NCAM1: variants seen among roughly 807,000 people sequenced by gnomAD.
NCAM1 encodes the protein antigen recognized by monoclonal antibody 5.1H11.
A neutral mutation model predicts 109.8 loss-of-function variants in NCAM1; 14 were observed. The ratio of observed to expected loss-of-function variants is 0.13; its 90% confidence interval spans 0.08 to 0.20. The LOEUF is 0.20. Ranked by LOEUF, NCAM1 falls within the 10% of genes least tolerant of loss-of-function variation. NCAM1 has a pLI of 1.00. For synonymous variants in NCAM1, 418 were observed against 442.9 expected, an observed-to-expected ratio of 0.94 and a Z score of 0.70; for missense variants, 774 against 1,109.9, an observed-to-expected ratio of 0.70 and a Z score of 4.30.
At chr11:113,061,928 A>G (rs186671170) in intron 1 of NCAM1, among the ~76,000 whole-genome samples, 3 of 152,282 alleles carry the variant, frequency 2.0e-5, no homozygotes, top group Admixed American at 2.0e-4. Context: ...ACAAAAGTAG[A>G]TAGTCCATCT....
At chr11:113,136,953 T>G (rs1332915588) in intron 1 of NCAM1, among the ~76,000 whole-genome samples, 1 of 152,198 alleles carries the variant, frequency 6.6e-6, no homozygotes, top group Admixed American at 6.5e-5. Context: ...AGGCTGACAC[T>G]GACCAAACAG....
intron 1 of NCAM1, among the ~76,000 whole-genome samples, chr11:113,011,592 G>A (rs1306631436): frequency 3.3e-5 from 5 of 152,108 alleles, no homozygotes; most frequent in African/African-American, 4.8e-5. Context: ...GTGTAAAAGC[G>A]TTCCTATTTC....
rs782688406 is a variant in NCAM1, at chr11:113,221,298, T to A, written c.1062T>A (p.Ala354=). 1 of 1,564,048 alleles carries A rather than the reference T, an allele frequency of 6.4e-7. No individual in the cohort carries two copies. Among genetic ancestry groups the A allele is most frequent in the African/African-American group, 1.3e-5 (1 of 74,082 alleles). The change falls in exon 9 of 20, where the codon GCT becomes GCA. Residue 354 remains alanine (A), a splice_region_variant and synonymous_variant. Coordinates refer to ENST00000316851, the MANE Select transcript of NCAM1 (RefSeq NM_181351.5). ...GTTTTATATCTTGTTTTCTCCAGGC[T>A]TCGTGGACTCGACCAGAGAAGCAAG... ...STRNISSEEK[A]SWTRPEKQET...
chr11:113,038,190 T>G (rs1952953513), intron 1 of NCAM1, among the ~76,000 whole-genome samples: 1 of 152,204 alleles, frequency 6.6e-6, no homozygotes. Context: ...AGTTCTAACA[T>G]GTTGTTCGAA....
At chr11:113,093,487 C>G (rs1322635679) in intron 1 of NCAM1, among the ~76,000 whole-genome samples, 1 of 152,190 alleles carries the variant, frequency 6.6e-6, no homozygotes, top group Admixed American at 6.5e-5. Flanking sequence ...CCTCCGGCCC[C>G]ACAACTCTCA....
chr11:113,059,950 C>G (rs1292033723), intron 1 of NCAM1, among the ~76,000 whole-genome samples: 1 of 152,126 alleles, frequency 6.6e-6, no homozygotes, highest in East Asian at 1.9e-4. Context: ...GAATGAGAGC[C>G]AGGACATATC....
At chr11:112,967,450 C>T (rs1475060526) in intron 1 of NCAM1, among the ~76,000 whole-genome samples, 1 of 152,174 alleles carries the variant, frequency 6.6e-6, no homozygotes, top group African/African-American at 2.4e-5. Context: ...AGGTAGATAA[C>T]CCTGGGTTGA....
intron 9 of NCAM1, among the ~76,000 whole-genome samples, chr11:113,225,808 C>T (rs1245695826): frequency 6.6e-6 from 1 of 152,190 alleles, no homozygotes; most frequent in Non-Finnish European, 1.5e-5. Flanking sequence ...ATTTTCAACA[C>T]AGAATTTCAT....
chr11:113,172,056 T>A (rs1210124481), intron 1 of NCAM1, among the ~76,000 whole-genome samples: 1 of 148,342 alleles, frequency 6.7e-6, no homozygotes, highest in African/African-American at 2.4e-5. Context: ...CATAGTACCT[T>A]CTGAGGGAGC....
intron 14 of NCAM1, among the ~76,000 whole-genome samples, chr11:113,241,987 GCAGACGGAGTT>G (rs1327902018): frequency 6.6e-6 from 1 of 152,210 alleles, no homozygotes; most frequent in Non-Finnish European, 1.5e-5. Flanking sequence ...CTGTCCTGTA[GCAGACGGAGTT>G]CAGGCTTTGG....
At position 113,174,523 on chromosome 11, in the gene NCAM1, G is replaced by A. The variant is rs1943089952; in HGVS notation, c.53-27856G>A. On this transcript the variant is annotated intron_variant, in intron 1 of 19. Transcript: ENST00000316851. ...TATGGCTGTGACTCCTGGAATAGGGGTCTTATGTGCACATGAACTAGTCAT... is the reference window on the plus strand; with the variant it reads ...TATGGCTGTGACTCCTGGAATAGGGATCTTATGTGCACATGAACTAGTCAT... 2.0e-5 allele frequency among the ~76,000 whole-genome samples: 3 copies of A among 152,178 alleles called. No individual in the cohort carries two copies. The South Asian group carries it at 6.2e-4, about 32-fold the overall frequency.
intron 1 of NCAM1, among the ~76,000 whole-genome samples, chr11:113,090,988 A>C (rs950904460): frequency 2.0e-5 from 3 of 152,214 alleles, no homozygotes; most frequent in Admixed American, 2.0e-4. Context: ...CAAATGCTAT[A>C]GTATGTTAGA....
chr11:113,233,023 C>A lies in NCAM1; in HGVS notation c.1523-124C>A. 1.9e-6 allele frequency: 2 copies of A among 1,071,390 alleles called. No individual in the cohort carries two copies. The highest frequency in any genetic ancestry group is 2.7e-6 in the Non-Finnish European group (2 of 738,452). 66.4% of individuals were successfully genotyped at this position (1,071,390 alleles called of 1,614,324 possible). A position where few individuals can be genotyped will look rare whatever the true frequency, so the allele number is the denominator to read the frequency against. On this transcript the variant is annotated intron_variant, in intron 12 of 19. Transcript: ENST00000316851. The surrounding 1 kb of genome is among the most constrained non-coding windows in gnomAD (Gnocchi z 4.5). ...CATCTGGTGAGATGGGCCAGGAGGA[C>A]AGGATACAGTGACAGGATTCCCAAG...
At chr11:112,982,693 G>GAGATTATTT (rs1193647779) in intron 1 of NCAM1, among the ~76,000 whole-genome samples, 1 of 151,912 alleles carries the variant, frequency 6.6e-6, no homozygotes, top group Non-Finnish European at 1.5e-5. Flanking sequence ...GGAAAGAATG[G>GAGATTATTT]AGATTATTTA....
At chr11:113,079,079 C>A (rs1356484214) in intron 1 of NCAM1, among the ~76,000 whole-genome samples, 1 of 152,038 alleles carries the variant, frequency 6.6e-6, no homozygotes, top group South Asian at 2.1e-4. Context: ...TGGAGGGGCA[C>A]CCGTGGCCTC....
chr11:112,992,293 C>T (rs191088258), intron 1 of NCAM1, among the ~76,000 whole-genome samples: 276 of 152,264 alleles, frequency 1.8e-3, no homozygotes, highest in South Asian at 8.3e-3. Flanking sequence ...TATTTCCCAT[C>T]TGAAGAAGAA....
At chr11:113,231,173 G>A (rs1341688956) in intron 9 of NCAM1, 1 of 1,530,972 alleles carries the variant, frequency 6.5e-7, no homozygotes, top group Non-Finnish European at 8.7e-7. Flanking sequence ...CTTATGTTGG[G>A]CACTTGGAAT....
chr11:113,221,296 G>C lies in NCAM1; in HGVS notation c.1060G>C (p.Ala354Pro). The change falls in exon 9 of 20, where the codon GCT (alanine) becomes CCT (proline). Residue 354 changes from alanine (A) to proline (P), a missense_variant and splice_region_variant. Ala to Pro is a conservative substitution (Grantham distance 27). Around this residue, in one of 4 missense-constraint regions of NCAM1, gnomAD observed 523 missense variants for 784.2 expected, o/e 0.67. Transcript: ENST00000316851. The stretch of plus-strand genomic sequence containing the variant: ...GTGTTTTATATCTTGTTTTCTCCAG[G>C]CTTCGTGGACTCGACCAGAGAAGCA... ...STRNISSEEK[A>P]SWTRPEKQET... 1.3e-6 allele frequency: 2 copies of C among 1,563,066 alleles called. No homozygotes were observed. Among genetic ancestry groups the C allele is most frequent in the Non-Finnish European group, 1.7e-6 (2 of 1,151,772 alleles).
chr11:113,210,922 G>A (rs1944374840), intron 7 of NCAM1, among the ~76,000 whole-genome samples: 1 of 152,096 alleles, frequency 6.6e-6, no homozygotes, highest in South Asian at 2.1e-4. Flanking sequence ...GACAGGGCAG[G>A]AATCATAGAT....
Sources: gnomAD v4.1 joint callset for allele counts (sites outside exome capture counted in the v4.1 genomes callset) on GRCh38, gnomAD v4.1.1 for gene constraint, gnomAD v4.1.1 regional missense constraint, Gnocchi (gnomAD v3.1) non-coding constraint, MANE v1.5 for transcripts, NCBI Gene and HGNC (gene_info 2026-07-23, HGNC 2026-07-21) for gene names.